The following RXRA variants were observed in gnomAD, a reference collection of about 807,000 sequenced individuals.
RXRA encodes retinoid X receptor alpha.
In RXRA, 5 loss-of-function variants were observed where a neutral mutation model predicts 44.5. The ratio of observed to expected loss-of-function variants is 0.11; its 90% CI spans 0.06 to 0.24. The LOEUF (loss-of-function observed/expected upper bound fraction) is 0.24, where lower values mean the gene tolerates loss of function less well. RXRA is among the 10% of genes least tolerant of loss of function. The pLI, the probability that RXRA is intolerant of heterozygous loss-of-function variation, is 1.00. For synonymous variants in RXRA, 291 were observed against 271.4 expected (o/e 1.07, Z -0.71); for missense variants, 412 against 646.5 (o/e 0.64, Z 3.93).
intron 1 of RXRA, among the ~76,000 whole-genome samples, chr9:134,346,101 T>C (rs1431680607): frequency 3.9e-5 from 6 of 152,092 alleles, no homozygotes; most frequent in African/African-American, 9.7e-5. Context: ...TGGTGTGGTA[T>C]TGGGGGGCCA....
chr9:134,390,332 GTCACT>G (rs748365719), intron 1 of RXRA, among the ~76,000 whole-genome samples: 6 of 152,180 alleles, frequency 3.9e-5, no homozygotes, highest in Non-Finnish European at 8.8e-5. Flanking sequence ...CCTTCCACGG[GTCACT>G]TGGCGGGAGG....
intron 6 of RXRA, among the ~76,000 whole-genome samples, chr9:134,428,168 C>A (rs145992463): frequency 0.011 from 1,680 of 151,828 alleles, 29 homozygotes; most frequent in African/African-American, 0.038. Context: ...CTGTCTGCCC[C>A]CCAGGGAACC....
intron 6 of RXRA, chr9:134,425,493 CG>C: frequency 1.0e-6 from 1 of 972,394 alleles, no homozygotes; most frequent in Non-Finnish European, 1.2e-6. Flanking sequence ...GCTGCTCCAG[CG>C]GGGTCGTCTG....
At chr9:134,410,631 C>T (rs1831132320) in intron 4 of RXRA, among the ~76,000 whole-genome samples, 1 of 152,162 alleles carries the variant, frequency 6.6e-6, no homozygotes, top group Non-Finnish European at 1.5e-5. Flanking sequence ...GCATAGTAGG[C>T]AGTGGCCGGG....
chr9:134,368,992 C>CA (rs1830453097), intron 1 of RXRA, among the ~76,000 whole-genome samples: 2 of 65,906 alleles, frequency 3.0e-5, no homozygotes, highest in Non-Finnish European at 5.4e-5. Context: ...TGTGTGAGTG[C>CA]GGGGCTTGTG....
In RXRA at chr9:134,365,998, G is replaced by T. The variant is rs374140303; in HGVS notation, c.29-35634G>T. 1.5e-3 allele frequency among the ~76,000 whole-genome samples: 228 copies of T among 152,204 alleles called. 1 individual carries two copies. The highest frequency in any genetic ancestry group is 5.2e-3 in the African/African-American group (214 of 41,526). On this transcript the variant is annotated intron_variant, in intron 1 of 9. Transcript: ENST00000481739. This position sits in a 1 kb window ranked among gnomAD's most constrained non-coding sequence, Gnocchi z 4.0. ...GGAGCCGCCTGTCTTTGCAGGAGCC[G>T]CGGGGATCATCTGGCGGCTGCCTCC...
intron 1 of RXRA, among the ~76,000 whole-genome samples, chr9:134,332,799 C>T (rs1835025740): frequency 6.6e-6 from 1 of 152,124 alleles, no homozygotes; most frequent in African/African-American, 2.4e-5. Context: ...GAGGAAGTGA[C>T]TCTCTCCAGG....
intron 1 of RXRA, among the ~76,000 whole-genome samples, chr9:134,351,228 C>T (rs1554749409): frequency 6.6e-6 from 1 of 152,220 alleles, no homozygotes; most frequent in Non-Finnish European, 1.5e-5. Context: ...GGCTAGGAGG[C>T]CCGGCGGGAA....
chr9:134,356,728 G>A (rs900689134), intron 1 of RXRA, among the ~76,000 whole-genome samples: 3 of 152,240 alleles, frequency 2.0e-5, no homozygotes, highest in African/African-American at 2.4e-5. Context: ...TGTTCTCACC[G>A]TTGTCCTGCT....
intron 1 of RXRA, among the ~76,000 whole-genome samples, chr9:134,341,875 G>A (rs1393730627): frequency 6.6e-6 from 1 of 152,258 alleles, no homozygotes; most frequent in South Asian, 2.1e-4. Flanking sequence ...TGCGTGACTG[G>A]CAGCGTCACT....
chr9:134,436,782 T>C lies in RXRA; in HGVS notation c.*168T>C, dbSNP rs1588313942. ...AAGAGATGTGTTGTCACCCTCCTTA[T>C]TTCTGTTACTACTTGTCTGTGGCCC... On this transcript the variant is annotated 3_prime_UTR_variant, in exon 10 of 10. Transcript: ENST00000481739. The C allele has an allele frequency of 1.4e-6, 1 of 720,344 alleles. No homozygotes were observed. Among genetic ancestry groups the C allele is most frequent in the African/African-American group, 1.8e-5 (1 of 56,132 alleles). The allele number at this position is 720,344 out of a possible 1,614,324, so 44.6% of individuals were successfully genotyped here.
chr9:134,392,563 C>G (rs559483464), intron 1 of RXRA, among the ~76,000 whole-genome samples: 110 of 152,294 alleles, frequency 7.2e-4, no homozygotes, highest in African/African-American at 2.5e-3. Context: ...TCTCCTCTGG[C>G]TTCCTCCTTG....
intron 4 of RXRA, among the ~76,000 whole-genome samples, chr9:134,414,509 G>C (rs1438009104): frequency 6.6e-6 from 1 of 152,282 alleles, no homozygotes; most frequent in African/African-American, 2.4e-5. Context: ...GGCACAGAGA[G>C]GTCAGGGGAC....
At chr9:134,382,643 C>T (rs778197706) in intron 1 of RXRA, among the ~76,000 whole-genome samples, 1 of 151,974 alleles carries the variant, frequency 6.6e-6, no homozygotes, top group East Asian at 1.9e-4. Flanking sequence ...TTTTGGGTTA[C>T]GAATCAGCCC....
chr9:134,357,431 C>A (rs946781749), intron 1 of RXRA, among the ~76,000 whole-genome samples: 1 of 152,120 alleles, frequency 6.6e-6, no homozygotes, highest in South Asian at 2.1e-4. Context: ...TGAAGTCAGG[C>A]GCTTTGTGGG....
chr9:134,417,477 G>C lies in RXRA; in HGVS notation c.780+150G>C, dbSNP rs1796849222. On this transcript the variant is annotated intron_variant, in intron 5 of 9. Transcript: ENST00000481739. The surrounding 1 kb of genome is among the most constrained non-coding windows in gnomAD (Gnocchi z 6.1). ...TGCCTCAGCTCGGCCTCTTACCTGA[G>C]GTGACCCCGTGGGCCCCTCGCCCCA... 1.1e-6 allele frequency: 1 copy of C among 909,194 alleles called. No individual in the cohort carries two copies. Among genetic ancestry groups the C allele is most frequent in the South Asian group, 1.7e-5 (1 of 59,296 alleles). 56.3% of individuals were successfully genotyped at this position (909,194 alleles called of 1,614,324 possible).
chr9:134,329,291 C>CA (rs1834965166), intron 1 of RXRA, among the ~76,000 whole-genome samples: 2 of 152,362 alleles, frequency 1.3e-5, no homozygotes, highest in Middle Eastern at 3.4e-3. Flanking sequence ...ATAACAGGGT[C>CA]ATGTGACTCT....
rs1831441067 is a variant in RXRA at position 134,426,756 on chromosome 9, G to A, written c.911-2352G>A. ...AAACCCCCAGGCCTGCAGGATGTGA[G>A]GGAGAGAGGCAGGCCCGAGAGGCCA... is the stretch of plus-strand genomic sequence containing the variant. On this transcript the variant is annotated intron_variant, in intron 6 of 9. Coordinates refer to ENST00000481739, the MANE Select transcript of RXRA (RefSeq NM_002957.6). The surrounding 1 kb of genome is among the most constrained non-coding windows in gnomAD (Gnocchi z 4.6). The A allele has an allele frequency of 3.0e-6, 3 of 985,294 alleles. No individual in the cohort carries two copies. The African/African-American group carries it at 5.2e-5, about 17-fold the overall frequency. 61.0% of individuals were successfully genotyped at this position (985,294 alleles called of 1,614,324 possible). A position where few individuals can be genotyped will look rare whatever the true frequency, so the allele number is the denominator to read the frequency against.
At chr9:134,396,864 G>A (rs931982332) in intron 1 of RXRA, among the ~76,000 whole-genome samples, 1 of 152,288 alleles carries the variant, frequency 6.6e-6, no homozygotes, top group Middle Eastern at 3.4e-3. Context: ...AGACCCTGCC[G>A]CGATTGGCCC....
Sources: gnomAD v4.1 joint callset for allele counts (sites outside exome capture counted in the v4.1 genomes callset) on GRCh38, gnomAD v4.1.1 for gene constraint, Gnocchi (gnomAD v3.1) non-coding constraint, MANE v1.5 for transcripts, NCBI Gene and HGNC (gene_info 2026-07-23, HGNC 2026-07-21) for gene names.